Variants in SLC14A2 observed in about 807,000 individuals in gnomAD.
SLC14A2 encodes the protein urea transporter 2.
SLC14A2 carries 91 observed loss-of-function variants against 104.6 expected under a neutral mutation model. That is an observed-to-expected ratio of 0.87 (90% CI 0.73 to 1.04). SLC14A2 has a LOEUF of 1.04. Among genes scored for constraint, SLC14A2 ranks in the 50% least tolerant of loss-of-function variants. The pLI is 0.00. For synonymous variants in SLC14A2, 476 were observed against 466.4 expected (o/e 1.02, Z -0.27); for missense variants, 1,189 against 1,156.0 (o/e 1.03, Z -0.41).
intron 1 of SLC14A2, among the ~76,000 whole-genome samples, chr18:45,434,770 G>T (rs2086570142): frequency 6.6e-6 from 1 of 152,216 alleles, no homozygotes; most frequent in Non-Finnish European, 1.5e-5. Flanking sequence ...GGCAAGATAA[G>T]AATTGATAGA....
At chr18:45,657,122 T>C (rs2045849555) in intron 10 of SLC14A2, among the ~76,000 whole-genome samples, 2 of 152,030 alleles carry the variant, frequency 1.3e-5, no homozygotes, top group Admixed American at 6.5e-5. Context: ...TAAAGAGAAA[T>C]AGATTCGAGA....
At chr18:45,392,325 G>T (rs1217873128) in intron 1 of SLC14A2, among the ~76,000 whole-genome samples, 3 of 152,142 alleles carry the variant, frequency 2.0e-5, no homozygotes, top group African/African-American at 7.2e-5. Context: ...ATCTATGTGA[G>T]TTTTTACTGC....
In SLC14A2 at chr18:45,362,866, C is replaced by T. The variant is rs1598721999; in HGVS notation, c.-124-120367C>T. ...AGACAAATATTTAGTTCTCATCTTTCCCAATTTACCTGTCTCTGGTGTGTG... is the reference window on the plus strand; with the variant it reads ...AGACAAATATTTAGTTCTCATCTTTTCCAATTTACCTGTCTCTGGTGTGTG... On this transcript the variant is annotated intron_variant, in intron 1 of 20. Transcript: ENST00000586448. 2.0e-5 allele frequency among the ~76,000 whole-genome samples: 3 copies of T among 152,116 alleles called. No homozygotes were observed. The Middle Eastern group carries it at 0.01, about 517-fold the overall frequency.
intron 1 of SLC14A2, among the ~76,000 whole-genome samples, chr18:45,342,331 G>A (rs1237774240): frequency 6.6e-6 from 1 of 152,208 alleles, no homozygotes; most frequent in Non-Finnish European, 1.5e-5. Flanking sequence ...AGATATGGCA[G>A]ATAAGAAGAA....
intron 1 of SLC14A2, among the ~76,000 whole-genome samples, chr18:45,247,680 G>GTCTTA (rs1413083641): frequency 1.3e-5 from 2 of 150,626 alleles, no homozygotes; most frequent in Non-Finnish European, 2.9e-5. Context: ...GACATCAGTT[G>GTCTTA]GTTATTCTGT....
chr18:45,395,951 A>C (rs1014155618), intron 1 of SLC14A2, among the ~76,000 whole-genome samples: 1 of 152,134 alleles, frequency 6.6e-6, no homozygotes, highest in Non-Finnish European at 1.5e-5. Context: ...GGTGTGATCA[A>C]ATCAATGCAA....
At chr18:45,674,195 C>A (rs931810254) in intron 18 of SLC14A2, among the ~76,000 whole-genome samples, 2 of 152,140 alleles carry the variant, frequency 1.3e-5, no homozygotes, top group Non-Finnish European at 2.9e-5. Flanking sequence ...GAAATTAGAT[C>A]GACTGTAACA....
intron 1 of SLC14A2, among the ~76,000 whole-genome samples, chr18:45,393,932 C>T (rs2086000284): frequency 6.6e-6 from 1 of 152,188 alleles, no homozygotes; most frequent in Non-Finnish European, 1.5e-5. Flanking sequence ...GAGTCGTCAT[C>T]ATTAGTAAGT....
chr18:45,338,600 T>C (rs1330178133), intron 1 of SLC14A2, among the ~76,000 whole-genome samples: 1 of 142,290 alleles, frequency 7.0e-6, no homozygotes, highest in African/African-American at 2.7e-5. Flanking sequence ...ATAAAAACAA[T>C]GTGTAACCTC....
intron 1 of SLC14A2, among the ~76,000 whole-genome samples, chr18:45,326,838 C>T (rs1400519904): frequency 6.6e-6 from 1 of 152,306 alleles, no homozygotes; most frequent in Admixed American, 6.5e-5. Context: ...AGCCTCATGC[C>T]TAGACTGTAT....
chr18:45,609,218 C>T (rs2044927985), intron 2 of SLC14A2, among the ~76,000 whole-genome samples: 1 of 152,156 alleles, frequency 6.6e-6, no homozygotes, highest in Non-Finnish European at 1.5e-5. Context: ...TTCCTGCCAT[C>T]ACACCTACTG....
At chr18:45,383,118 G>A (rs977983373) in intron 1 of SLC14A2, among the ~76,000 whole-genome samples, 1 of 152,188 alleles carries the variant, frequency 6.6e-6, no homozygotes, top group Non-Finnish European at 1.5e-5. Flanking sequence ...TGACAGAAAA[G>A]CAAACTAAAA....
upstream of SLC14A2, chr18:45,614,852 C>A (rs1489338124): frequency 7.3e-6 from 1 of 136,288 alleles, no homozygotes; most frequent in Non-Finnish European, 1.5e-5. Context: ...GGCTGGAGTA[C>A]ATTGGCACTA....
At chr18:45,228,079 G>C (rs1420935061) in intron 1 of SLC14A2, among the ~76,000 whole-genome samples, 5 of 152,124 alleles carry the variant, frequency 3.3e-5, no homozygotes, top group African/African-American at 1.2e-4. Context: ...CATTCTGTAA[G>C]ACAAGAGAGA....
chr18:45,253,344 C>T lies in SLC14A2; in HGVS notation c.-125+40153C>T, dbSNP rs975754807. On this transcript the variant is annotated intron_variant, in intron 1 of 20. Transcript: ENST00000586448. The stretch of plus-strand genomic sequence containing the variant: ...ATGGGAAAATAGAAAACACGGTGGA[C>T]GAAGGACGGAATGCAGACCAAGAAG... Among the ~76,000 whole-genome samples the T allele has an allele frequency of 5.9e-5, 9 of 152,090 alleles. No homozygotes were observed. The South Asian group carries it at 8.3e-4, about 14-fold the overall frequency.
chr18:45,517,726 A>G (rs1032442319), intron 2 of SLC14A2, among the ~76,000 whole-genome samples: 7 of 152,202 alleles, frequency 4.6e-5, no homozygotes, highest in African/African-American at 1.7e-4. Flanking sequence ...TCCCTCCAGG[A>G]CTTTCTGTCC....
At chr18:45,486,390 G>A (rs1464890685) in intron 2 of SLC14A2, among the ~76,000 whole-genome samples, 4 of 151,706 alleles carry the variant, frequency 2.6e-5, no homozygotes, top group Non-Finnish European at 5.9e-5. Flanking sequence ...GAAAAGTGGT[G>A]GATTTTCCTA....
At chr18:45,571,371 T>C (rs937070113) in intron 2 of SLC14A2, among the ~76,000 whole-genome samples, 4 of 152,256 alleles carry the variant, frequency 2.6e-5, no homozygotes, top group Admixed American at 6.5e-5. Flanking sequence ...TCTGGAAAGC[T>C]GTCCACATCC....
intron 1 of SLC14A2, among the ~76,000 whole-genome samples, chr18:45,270,033 G>A (rs73427908): frequency 0.027 from 4,055 of 152,204 alleles, 193 homozygotes; most frequent in African/African-American, 0.093. Context: ...AGATCCTAAT[G>A]TAGGGCTTTA....
Sources: gnomAD v4.1 joint callset for allele counts (sites outside exome capture counted in the v4.1 genomes callset) on GRCh38, gnomAD v4.1.1 for gene constraint, MANE v1.5 for transcripts, NCBI Gene and HGNC (gene_info 2026-07-23, HGNC 2026-07-21) for gene names.